Variants in C4orf17 observed in about 807,000 individuals in gnomAD.
The protein encoded by C4orf17 is uncharacterized protein C4orf17.
A neutral mutation model predicts 32.0 loss-of-function variants in C4orf17; 25 were observed. The ratio of observed to expected loss-of-function variants is 0.78; its 90% CI spans 0.57 to 1.09. C4orf17 has a LOEUF of 1.09. C4orf17 is among the 50% of genes least tolerant of loss of function. The pLI, the probability that C4orf17 is intolerant of heterozygous loss-of-function variation, is 0.00. For synonymous variants in C4orf17, 149 were observed against 145.8 expected (o/e 1.02, Z -0.16); for missense variants, 420 against 420.0 (o/e 1.00, Z 0.00).
intron 4 of C4orf17, among the ~76,000 whole-genome samples, chr4:99,529,443 A>C (rs1008349595): frequency 2.0e-5 from 3 of 152,212 alleles, no homozygotes; most frequent in Non-Finnish European, 4.4e-5. Context: ...CAGACAAAGC[A>C]TAAAACCTCT....
At chr4:99,514,942 G>T (rs1284132529) in intron 2 of C4orf17, among the ~76,000 whole-genome samples, 4 of 152,126 alleles carry the variant, frequency 2.6e-5, no homozygotes, top group Non-Finnish European at 5.9e-5. Context: ...ATGAAATAAT[G>T]TCTTTTGCAG....
At chr4:99,514,983 T>C (rs1474633405) in intron 2 of C4orf17, among the ~76,000 whole-genome samples, 1 of 152,176 alleles carries the variant, frequency 6.6e-6, no homozygotes, top group African/African-American at 2.4e-5. Context: ...GCCATTATTC[T>C]AAGTGAAGTA....
rs776501812 is a variant in C4orf17, at chr4:99,513,118, G to C, written c.37G>C (p.Glu13Gln). The stretch of plus-strand genomic sequence containing the variant: ...CCCCCCGACATCTGCTCTTCAGATC[G>C]AGGGCAAAGGCAGCCATATTATGGC... ...LNPPTSALQI[E>Q]GKGSHIMARN... Residue 13 changes from glutamate to glutamine, a missense_variant, in exon 2 of 9, where the codon GAG becomes CAG. Transcript: ENST00000326581. 1 of 1,613,846 alleles carries C rather than the reference G, an allele frequency of 6.2e-7. No individual in the cohort carries two copies. The highest frequency in any genetic ancestry group is 8.5e-7 in the Non-Finnish European group (1 of 1,179,846).
chr4:99,514,133 A>C (rs1284405749), intron 2 of C4orf17, among the ~76,000 whole-genome samples: 1 of 152,172 alleles, frequency 6.6e-6, no homozygotes, highest in Non-Finnish European at 1.5e-5. Flanking sequence ...GCAGATGGAA[A>C]TGTGTCATAT....
chr4:99,527,891 A>G (rs995829489), intron 4 of C4orf17, among the ~76,000 whole-genome samples: 6 of 152,202 alleles, frequency 3.9e-5, no homozygotes, highest in African/African-American at 1.4e-4. Context: ...CTTATTAGGC[A>G]TAAAACTGTT....
chr4:99,512,788 T>A (rs572253378), intron 1 of C4orf17, among the ~76,000 whole-genome samples: 1 of 152,308 alleles, frequency 6.6e-6, no homozygotes, highest in Non-Finnish European at 1.5e-5. Flanking sequence ...ACACTTTGAT[T>A]TTCCCCTGGG....
At chr4:99,530,504 TCAGC>T in intron 5 of C4orf17, among the ~76,000 whole-genome samples, 1 of 150,584 alleles carries the variant, frequency 6.6e-6, no homozygotes, top group Non-Finnish European at 1.5e-5. Flanking sequence ...AATACGTCAG[TCAGC>T]TGATATTTGT....
chr4:99,523,148 C>A (rs1482384848), intron 3 of C4orf17, among the ~76,000 whole-genome samples: 3 of 152,192 alleles, frequency 2.0e-5, no homozygotes, highest in Admixed American at 6.5e-5. Flanking sequence ...TTTCTGCCAT[C>A]CTTCCTTTCT....
intron 3 of C4orf17, among the ~76,000 whole-genome samples, chr4:99,523,344 A>G (rs915207303): frequency 6.6e-6 from 1 of 152,260 alleles, no homozygotes; most frequent in African/African-American, 2.4e-5. Context: ...TACAATTTAC[A>G]TGCTATTACT....
intron 8 of C4orf17, 93 bp from the exon 9 acceptor site, chr4:99,541,817 T>A (rs925184208): frequency 1.9e-5 from 17 of 895,822 alleles, no homozygotes; most frequent in Non-Finnish European, 2.6e-5. Flanking sequence ...AAACTTCATA[T>A]AGTTTTTTAT....
In C4orf17 at chr4:99,513,050, A is replaced by T. The variant is rs1723121459; in HGVS notation, c.-32A>T. On this transcript the variant is annotated 5_prime_UTR_variant, in exon 2 of 9. Transcript: ENST00000326581. Reference sequence around the variant, plus strand: ...AGACCCCAAAAACTTTTGTGACAACAGTGAAGAGGGGAAAATAAACACACC... The same window carrying T: ...AGACCCCAAAAACTTTTGTGACAACTGTGAAGAGGGGAAAATAAACACACC... The T allele has an allele frequency of 2.5e-6, 4 of 1,612,792 alleles. No homozygotes were observed. Among genetic ancestry groups the T allele is most frequent in the Non-Finnish European group, 3.4e-6 (4 of 1,179,280 alleles).
intron 2 of C4orf17, among the ~76,000 whole-genome samples, chr4:99,520,229 A>G (rs932063585): frequency 1.2e-4 from 18 of 151,026 alleles, no homozygotes; most frequent in Non-Finnish European, 1.5e-5. Context: ...AGCTGGAACT[A>G]CAGGCGCCTG....
At chr4:99,514,139 C>A (rs1723139531) in intron 2 of C4orf17, among the ~76,000 whole-genome samples, 1 of 152,080 alleles carries the variant, frequency 6.6e-6, no homozygotes. Context: ...GGAAATGTGT[C>A]ATATTCCTGA....
intron 3 of C4orf17, among the ~76,000 whole-genome samples, chr4:99,524,284 C>T (rs1026853714): frequency 5.9e-5 from 9 of 152,084 alleles, no homozygotes; most frequent in Non-Finnish European, 1.0e-4. Flanking sequence ...ATCAAGAAAG[C>T]ATTTGCCGTG....
In C4orf17 at chr4:99,524,536, T is replaced by A; in HGVS notation, c.353T>A (p.Ile118Asn). 6.2e-7 allele frequency: 1 copy of A among 1,602,216 alleles called. No homozygotes were observed. Among genetic ancestry groups the A allele is most frequent in the Non-Finnish European group, 8.5e-7 (1 of 1,171,080 alleles). ...TTTATTTCAGAGCCCAGTAGAAAAA[T>A]TAAAGAGTGCTTCAAAACTTCCAGT... ...PRPHSEPSRK[I>N]KECFKTSSEN... Residue 118 changes from isoleucine to asparagine, a missense_variant, in exon 4 of 9, where the codon ATT (isoleucine) becomes AAT (asparagine). Physicochemically the swap from Ile to Asn is moderately radical, Grantham distance 149. Transcript: ENST00000326581.
Position 99,537,655 on chromosome 4 carries a change from A to G in C4orf17, c.547-14A>G. 1.2e-6 allele frequency: 2 copies of G among 1,600,282 alleles called. No homozygotes were observed. Among genetic ancestry groups the G allele is most frequent in the Non-Finnish European group, 1.7e-6 (2 of 1,169,734 alleles). On this transcript the variant is annotated splice_polypyrimidine_tract_variant and intron_variant, in intron 5 of 8. Coordinates refer to ENST00000326581, the MANE Select transcript of C4orf17 (RefSeq NM_032149.3). The stretch of plus-strand genomic sequence containing the variant: ...ATTTATTTGCTCATATGTAACTCTA[A>G]TGTTCTCTGTCAGATCCTGGCAAAG...
rs753997182 is a variant in C4orf17 at position 99,537,668 on chromosome 4, G to A, written c.547-1G>A. The A allele has an allele frequency of 6.2e-7, 1 of 1,610,552 alleles. No individual in the cohort carries two copies. The highest frequency in any genetic ancestry group is 8.5e-7 in the Non-Finnish European group (1 of 1,178,414). On this transcript the variant is annotated splice_acceptor_variant, in intron 5 of 8. Transcript: ENST00000326581. LOFTEE classifies it high-confidence loss of function. ...TATGTAACTCTAATGTTCTCTGTCA[G>A]ATCCTGGCAAAGCTCTGTAGCATTT...
At chr4:99,537,425 C>A (rs975871029) in intron 5 of C4orf17, among the ~76,000 whole-genome samples, 1 of 152,120 alleles carries the variant, frequency 6.6e-6, no homozygotes, top group African/African-American at 2.4e-5. Context: ...AGGAGCAATA[C>A]CTCAGACAAA....
rs762698640 is a variant in C4orf17, at chr4:99,542,061, C to A, written c.1032C>A (p.Tyr344Ter). The change falls in exon 9 of 9, where the codon TAC becomes TAA. Residue 344 changes from tyrosine to a stop codon, truncating the protein, a stop_gained. Coordinates refer to ENST00000326581, the MANE Select transcript of C4orf17 (RefSeq NM_032149.3). LOFTEE classifies it low-confidence loss of function (END_TRUNC). Reference sequence around the variant, plus strand: ...TGTCAGCAAGGAGTATACAAGAATACAACCTCTGTCCCCAAAGAGCATGTT... The same window carrying A: ...TGTCAGCAAGGAGTATACAAGAATAAAACCTCTGTCCCCAAAGAGCATGTT... ...KPVSARSIQEYNLCPQRACYP... is the reference protein window; with the variant it reads ...KPVSARSIQE 1.9e-6 allele frequency: 3 copies of A among 1,614,076 alleles called. No individual in the cohort carries two copies. In the East Asian group the frequency reaches 6.7e-5, roughly 36 times the overall value.
Sources: allele counts gnomAD v4.1 joint callset (sites outside exome capture counted in the v4.1 genomes callset), GRCh38; gene constraint gnomAD v4.1.1; transcripts MANE v1.5; gene names NCBI Gene and HGNC (gene_info 2026-07-23, HGNC 2026-07-21).